Variants in LPIN1 observed in about 807,000 individuals in gnomAD.
The protein encoded by LPIN1 is lipin 1.
In LPIN1, 71 loss-of-function variants were observed where a neutral mutation model predicts 107.5. The ratio of observed to expected loss-of-function variants is 0.66; its 90% CI spans 0.55 to 0.80. LPIN1 has a LOEUF of 0.80. Ranked by LOEUF, LPIN1 falls within the 30% of genes least tolerant of loss-of-function variation. LPIN1 has a pLI of 0.00. For synonymous variants in LPIN1, 445 were observed against 452.6 expected (o/e 0.98, Z 0.21); for missense variants, 1,043 against 1,160.6 (o/e 0.90, Z 1.47).
intron 6 of LPIN1, among the ~76,000 whole-genome samples, chr2:11,776,748 G>A (rs1383311624): frequency 6.6e-6 from 1 of 152,182 alleles, no homozygotes; most frequent in Non-Finnish European, 1.5e-5. Flanking sequence ...AGGATCAAAG[G>A]TTGGTGTGTT....
chr2:11,718,749 C>A (rs1048863369), intron 2 of LPIN1, among the ~76,000 whole-genome samples: 1 of 152,188 alleles, frequency 6.6e-6, no homozygotes, highest in African/African-American at 2.4e-5. Context: ...TCTGCTAACT[C>A]TTTGTGTTCT....
At chr2:11,752,008 A>G (rs1572568302) in intron 1 of LPIN1, among the ~76,000 whole-genome samples, 2 of 152,342 alleles carry the variant, frequency 1.3e-5, no homozygotes, top group East Asian at 3.9e-4. Flanking sequence ...CCATTTTACA[A>G]TGTGGATGGC....
At chr2:11,736,640 C>A (rs553200057) in intron 1 of LPIN1, among the ~76,000 whole-genome samples, 61 of 152,360 alleles carry the variant, frequency 4.0e-4, no homozygotes, top group African/African-American at 1.4e-3. Flanking sequence ...AAAATGTTTT[C>A]TTCTTTGGTA....
intron 14 of LPIN1, among the ~76,000 whole-genome samples, chr2:11,800,309 C>T (rs535417933): frequency 2.0e-5 from 3 of 152,318 alleles, no homozygotes; most frequent in Admixed American, 2.0e-4. Context: ...GCTGGGTCTC[C>T]ACATAAGTGT....
rs369135035 is a variant in LPIN1 at position 11,805,126 on chromosome 2, G to C, written c.2219G>C (p.Gly740Ala). 1 of 1,613,990 alleles carries C rather than the reference G, an allele frequency of 6.2e-7. No individual in the cohort carries two copies. The highest frequency in any genetic ancestry group is 8.5e-7 in the Non-Finnish European group (1 of 1,179,902). ...CTTGGGAAGGATTGGACCCATCAGGGCATCGCTAAGCTGTACCATAAAGTG... is the reference window on the plus strand; with the variant it reads ...CTTGGGAAGGATTGGACCCATCAGGCCATCGCTAAGCTGTACCATAAAGTG... ...PTLGKDWTHQ[G>A]IAKLYHKVSQ... Residue 740 changes from glycine (G) to alanine (A), a missense_variant, in exon 17 of 21, where the codon GGC becomes GCC. Physicochemically the swap from Gly to Ala is moderately conservative, Grantham distance 60. Transcript: ENST00000674199.
chr2:11,689,592 T>C (rs564897548), intron 1 of LPIN1, among the ~76,000 whole-genome samples: 3 of 152,346 alleles, frequency 2.0e-5, no homozygotes, highest in Admixed American at 6.5e-5. Flanking sequence ...ATTCTTTTAG[T>C]GGTTCTCCTT....
rs1405507204 is a variant in LPIN1 at position 11,804,431 on chromosome 2, G to C, written c.2022G>C (p.Leu674Phe). The C allele has an allele frequency of 2.5e-6, 4 of 1,614,250 alleles. No homozygotes were observed. Among genetic ancestry groups the C allele is most frequent in the Non-Finnish European group, 3.4e-6 (4 of 1,180,048 alleles). Residue 674 changes from leucine to phenylalanine, a missense_variant, in exon 16 of 21, where the codon TTG becomes TTC. By Grantham distance (22) the Leu-to-Phe change is conservative (BLOSUM62 0). Coordinates refer to ENST00000674199, the MANE Select transcript of LPIN1 (RefSeq NM_001349206.2). ...TGGTTCATGTTTTTCAGAAAAGCTT[G>C]AAGTTGAAGAATGGCCCCAACGACG... ...LRLTSEQLKS[L>F]KLKNGPNDVV... is the part of the protein sequence containing the mutation.
chr2:11,720,701 G>T (rs1341823092), upstream of LPIN1, among the ~76,000 whole-genome samples: 2 of 152,038 alleles, frequency 1.3e-5, no homozygotes. Context: ...AGAAATGGTG[G>T]AGCCAGGTCA....
At chr2:11,700,046 A>T (rs1262017829) in intron 1 of LPIN1, among the ~76,000 whole-genome samples, 1 of 152,058 alleles carries the variant, frequency 6.6e-6, no homozygotes, top group Admixed American at 6.5e-5. Context: ...TCTTTCTTTG[A>T]TTGTTATTCT....
At chr2:11,806,753 G>A (rs1022349185) in intron 17 of LPIN1, among the ~76,000 whole-genome samples, 8 of 152,070 alleles carry the variant, frequency 5.3e-5, no homozygotes, top group East Asian at 1.9e-4. Context: ...ACAGTAAAGC[G>A]CAGAGGTTGT....
At chr2:11,703,389 C>T (rs965056251) in intron 1 of LPIN1, among the ~76,000 whole-genome samples, 7 of 152,086 alleles carry the variant, frequency 4.6e-5, no homozygotes, top group South Asian at 2.1e-4. Flanking sequence ...AGGAGCCTGA[C>T]GCAACTGCTC....
chr2:11,759,500 T>C (rs1484059563), intron 1 of LPIN1, among the ~76,000 whole-genome samples: 3 of 152,128 alleles, frequency 2.0e-5, no homozygotes, highest in Non-Finnish European at 4.4e-5. Context: ...GGGTTGGGGG[T>C]AAGGTCATAG....
chr2:11,784,897 C>T lies in LPIN1; in HGVS notation c.1370C>T (p.Ser457Phe), dbSNP rs1186423953. 1 of 1,613,958 alleles carries T rather than the reference C, an allele frequency of 6.2e-7. No individual in the cohort carries two copies. The highest frequency in any genetic ancestry group is 8.5e-7 in the Non-Finnish European group (1 of 1,180,006). ...TTTCCTCCTTCCAGCGGAGATCCTT[C>T]CGGACTCGCAAAACATGCAAGCGAC... ...ALYFPKNGDP[S>F]GLAKHASDNG... Residue 457 changes from serine (S) to phenylalanine (F), a missense_variant, in exon 10 of 21, where the codon TCC becomes TTC. Physicochemically the swap from Ser to Phe is radical, Grantham distance 155. Transcript: ENST00000674199.
intron 11 of LPIN1, 76 bp from the exon 12 acceptor site, chr2:11,788,311 C>CT: frequency 8.7e-7 from 1 of 1,149,172 alleles, no homozygotes; most frequent in Non-Finnish European, 1.3e-6. Flanking sequence ...CTTTCCTTGA[C>CT]TACTTTATAT....
At chr2:11,808,365 T>C (rs999943720) in intron 17 of LPIN1, among the ~76,000 whole-genome samples, 4 of 152,202 alleles carry the variant, frequency 2.6e-5, no homozygotes, top group Non-Finnish European at 5.9e-5. Flanking sequence ...AGGCTAAGAA[T>C]TGACCAAGGC....
At chr2:11,735,642 G>C (rs903519545) in intron 1 of LPIN1, among the ~76,000 whole-genome samples, 1 of 152,200 alleles carries the variant, frequency 6.6e-6, no homozygotes, top group African/African-American at 2.4e-5. Flanking sequence ...GAAGTCCTCA[G>C]AGTATAGTTA....
At chr2:11,734,803 A>G (rs1205911655) in intron 1 of LPIN1, among the ~76,000 whole-genome samples, 2 of 152,204 alleles carry the variant, frequency 1.3e-5, no homozygotes, top group Admixed American at 1.3e-4. Context: ...TTACAGTGAC[A>G]TGTATACTAT....
intron 6 of LPIN1, 27 bp downstream of exon 6, chr2:11,776,220 A>G (rs1001250609): frequency 7.2e-7 from 1 of 1,397,862 alleles, no homozygotes; most frequent in Non-Finnish European, 9.8e-7. Flanking sequence ...CCCCATTGGG[A>G]TATATTCAAT....
At chr2:11,762,103 C>T (rs547031273) in intron 1 of LPIN1, among the ~76,000 whole-genome samples, 1 of 152,192 alleles carries the variant, frequency 6.6e-6, no homozygotes, top group South Asian at 2.1e-4. Flanking sequence ...TCCCATGACC[C>T]CCTCCTCGCG....
Sources: gnomAD v4.1 joint callset for allele counts (sites outside exome capture counted in the v4.1 genomes callset) on GRCh38, gnomAD v4.1.1 for gene constraint, MANE v1.5 for transcripts, NCBI Gene and HGNC (gene_info 2026-07-23, HGNC 2026-07-21) for gene names.